PUM1: variants seen among roughly 807,000 people sequenced by gnomAD.
The protein encoded by PUM1 is pumilio RNA binding family member 1.
A neutral mutation model predicts 131.8 loss-of-function variants in PUM1; 13 were observed. The ratio of observed to expected loss-of-function variants is 0.10; its 90% CI spans 0.06 to 0.16. The LOEUF is 0.16. Ranked by LOEUF, PUM1 falls within the 10% of genes least tolerant of loss-of-function variation. PUM1 has a pLI of 1.00. For synonymous variants in PUM1, 509 were observed against 556.5 expected (o/e 0.91, Z 1.20); for missense variants, 961 against 1,512.4 (o/e 0.64, Z 6.05).
rs76250882 is a variant in PUM1 at position 30,945,640 on chromosome 1, T to C, written c.2857-157A>G. 3.6e-3 allele frequency among the ~76,000 whole-genome samples: 554 copies of C among 152,292 alleles called. 2 individuals carry two copies. Among genetic ancestry groups the C allele is most frequent in the Non-Finnish European group, 6.3e-3 (431 of 68,018 alleles). On this transcript the variant is annotated intron_variant, in intron 17 of 21. Coordinates refer to ENST00000426105, the MANE Select transcript of PUM1 (RefSeq NM_001020658.2). ...GGAACAATGACAACAGGGAAACAAATGAGGACCTGAGTCTTTTCAGACATT... is the reference window on the plus strand; with the variant it reads ...GGAACAATGACAACAGGGAAACAAACGAGGACCTGAGTCTTTTCAGACATT...
chr1:31,044,820 T>C (rs2124577083), intron 2 of PUM1, among the ~76,000 whole-genome samples: 1 of 152,262 alleles, frequency 6.6e-6, no homozygotes, highest in Admixed American at 6.5e-5. Flanking sequence ...TTGTTGTTGT[T>C]GTTGTTTGAG....
intron 2 of PUM1, among the ~76,000 whole-genome samples, chr1:31,033,164 T>A (rs1268680025): frequency 6.6e-6 from 1 of 151,634 alleles, no homozygotes; most frequent in Admixed American, 6.6e-5. Flanking sequence ...ATATTGGTTA[T>A]CGAGCCAAAA....
chr1:30,998,149 A>T (rs1426817274), intron 5 of PUM1, among the ~76,000 whole-genome samples: 1 of 152,204 alleles, frequency 6.6e-6, no homozygotes, highest in Non-Finnish European at 1.5e-5. Flanking sequence ...ATTTTGCAGA[A>T]ATTCAAGACG....
intron 14 of PUM1, among the ~76,000 whole-genome samples, chr1:30,954,675 A>C (rs1236935164): frequency 6.6e-6 from 1 of 152,240 alleles, no homozygotes; most frequent in African/African-American, 2.4e-5. Context: ...TAGTTCCAAC[A>C]ACCTTCATGC....
rs558465614 is a variant in PUM1 at position 31,022,323 on chromosome 1, A to G, written c.432+6473T>C. Among the ~76,000 whole-genome samples, 14 of 152,364 alleles carry G rather than the reference A, an allele frequency of 9.2e-5. No individual in the cohort carries two copies. In the South Asian group the frequency reaches 2.7e-3, roughly 29 times the overall value. On this transcript the variant is annotated intron_variant, in intron 3 of 21. Coordinates refer to ENST00000426105, the MANE Select transcript of PUM1 (RefSeq NM_001020658.2). ...AGTATGGATAAAAGAGTAACATTTT[A>G]GCCAAAGGAGGTTGATGAAAGGGAA...
chr1:31,019,432 TA>T (rs1229209406), intron 3 of PUM1, among the ~76,000 whole-genome samples: 1 of 152,224 alleles, frequency 6.6e-6, no homozygotes, highest in Non-Finnish European at 1.5e-5. Flanking sequence ...TGACTACCAT[TA>T]AACTTCAAAA....
chr1:31,011,577 T>C (rs1290798539), intron 3 of PUM1, among the ~76,000 whole-genome samples: 2 of 152,188 alleles, frequency 1.3e-5, no homozygotes, highest in African/African-American at 4.8e-5. Context: ...TAATGTGTTA[T>C]CCAAGTACAA....
chr1:31,055,547 T>G (rs1433133867), intron 2 of PUM1, among the ~76,000 whole-genome samples: 2 of 152,196 alleles, frequency 1.3e-5, no homozygotes, highest in Non-Finnish European at 2.9e-5. Context: ...CCCAACGTTG[T>G]TCATTATTTC....
intron 20 of PUM1, among the ~76,000 whole-genome samples, chr1:30,940,331 C>G (rs1406248083): frequency 1.3e-5 from 2 of 152,120 alleles, no homozygotes; most frequent in African/African-American, 4.8e-5. Context: ...AAAAAAGTAG[C>G]TGGGCGTGGT....
At chr1:30,969,250 G>A (rs113755471) in intron 10 of PUM1, among the ~76,000 whole-genome samples, 2,763 of 147,412 alleles carry the variant, frequency 0.019, 95 homozygotes, top group African/African-American at 0.065. Context: ...GTTGCAGTGA[G>A]CTGAGATCGA....
intron 3 of PUM1, among the ~76,000 whole-genome samples, chr1:31,025,570 G>A (rs867552432): frequency 1.8e-4 from 4 of 21,740 alleles, no homozygotes; most frequent in Non-Finnish European, 4.8e-4. Flanking sequence ...TTTTTTTTTT[G>A]AGACGGAGTC....
intron 16 of PUM1, 54 bp downstream of exon 16, chr1:30,952,180 C>A: frequency 1.9e-6 from 3 of 1,566,884 alleles, no homozygotes; most frequent in South Asian, 1.1e-5. Context: ...TAATGAAAAT[C>A]AAAATGCTCT....
At position 31,022,703 on chromosome 1, in the gene PUM1, C is replaced by T. The variant is rs200998029; in HGVS notation, c.432+6093G>A. Among the ~76,000 whole-genome samples, 12 of 152,334 alleles carry T rather than the reference C, an allele frequency of 7.9e-5. No homozygotes were observed. In the East Asian group the frequency reaches 1.7e-3, roughly 22 times the overall value. The stretch of plus-strand genomic sequence containing the variant: ...GATAAAAAGGTCACTTTACCTCTAA[C>T]AGTCATTAACCTAAAATAAGCCATC... On this transcript the variant is annotated intron_variant, in intron 3 of 21. Coordinates refer to ENST00000426105, the MANE Select transcript of PUM1 (RefSeq NM_001020658.2).
chr1:31,041,489 T>C (rs1643812673), intron 2 of PUM1, among the ~76,000 whole-genome samples: 1 of 152,228 alleles, frequency 6.6e-6, no homozygotes, highest in African/African-American at 2.4e-5. Context: ...AAATCTCATC[T>C]GAAATGTGAC....
rs749371838 is a variant in PUM1 at position 30,964,753 on chromosome 1, G to A, written c.2244C>T (p.Leu748=). ...GTGAATGTCCTGGTCCCTGACTAGGGAGAGGCATGCCCACGGGTCCAGGAG... is the reference window on the plus strand; with the variant it reads ...GTGAATGTCCTGGTCCCTGACTAGGAAGAGGCATGCCCACGGGTCCAGGAG... ...SSSPGPVGMP[L]PSQGPGHSQT... Residue 748 remains leucine, a synonymous_variant, in exon 14 of 22, where the codon CTC becomes CTT. Coordinates refer to ENST00000426105, the MANE Select transcript of PUM1 (RefSeq NM_001020658.2). 4 of 1,614,020 alleles carry A rather than the reference G, an allele frequency of 2.5e-6. No homozygotes were observed. Among genetic ancestry groups the A allele is most frequent in the South Asian group, 2.2e-5 (2 of 91,082 alleles).
At chr1:30,969,864 T>G (rs1314848495) in intron 10 of PUM1, among the ~76,000 whole-genome samples, 1 of 152,176 alleles carries the variant, frequency 6.6e-6, no homozygotes, top group Non-Finnish European at 1.5e-5. Flanking sequence ...GGTCTCACCA[T>G]GTTGTTCAGG....
intron 3 of PUM1, among the ~76,000 whole-genome samples, chr1:31,012,853 G>A (rs543506273): frequency 6.6e-6 from 1 of 152,244 alleles, no homozygotes; most frequent in Non-Finnish European, 1.5e-5. Context: ...TAAGAACAGT[G>A]ATAAAGACCC....
Position 30,933,324 on chromosome 1 carries a change from T to C in PUM1, c.3454A>G (p.Thr1152Ala). 2 of 1,613,624 alleles carry C rather than the reference T, an allele frequency of 1.2e-6. No individual in the cohort carries two copies. The highest frequency in any genetic ancestry group is 1.7e-6 in the Non-Finnish European group (2 of 1,179,818). ...TTGCCATAGGTGTACTTACGAAGAG[T>C]TGCGATGTGGGGCCGGATCTGGGGA... ...VMHKIRPHIATLRKYTYGKHI... is the reference protein window; with the variant it reads ...VMHKIRPHIAALRKYTYGKHI... Residue 1152 changes from threonine to alanine, a missense_variant, in exon 22 of 22, where the codon ACT becomes GCT. Coordinates refer to ENST00000426105, the MANE Select transcript of PUM1 (RefSeq NM_001020658.2).
At chr1:30,957,410 T>C (rs1452871502) in intron 14 of PUM1, among the ~76,000 whole-genome samples, 1 of 152,220 alleles carries the variant, frequency 6.6e-6, no homozygotes, top group Admixed American at 6.5e-5. Flanking sequence ...CGATTCACAA[T>C]AGTCTGAATA....
Sources: gnomAD v4.1 joint callset for allele counts (sites outside exome capture counted in the v4.1 genomes callset) on GRCh38, gnomAD v4.1.1 for gene constraint, MANE v1.5 for transcripts, NCBI Gene and HGNC (gene_info 2026-07-23, HGNC 2026-07-21) for gene names.